The following CCDC57 variants were observed in gnomAD, a reference collection of about 807,000 sequenced individuals.
The protein encoded by CCDC57 is coiled-coil domain-containing protein 57.
A neutral mutation model predicts 118.9 loss-of-function variants in CCDC57; 118 were observed. The observed-to-expected ratio is 0.99, with a 90% CI of 0.86 to 1.16. The LOEUF (loss-of-function observed/expected upper bound fraction) is 1.16, where lower values mean the gene tolerates loss of function less well. Among genes scored for constraint, CCDC57 ranks in the 50% most tolerant of loss-of-function variants. The pLI is 0.00. For missense variants in CCDC57, 1,300 were observed against 1,320.7 expected (o/e 0.98, Z 0.24); for synonymous variants, 527 against 532.9 (o/e 0.99, Z 0.15).
chr17:82,178,396 T>C (rs1176349410), intron 11 of CCDC57, 78 bp downstream of exon 10: 3 of 1,482,660 alleles, frequency 2.0e-6, no homozygotes, highest in South Asian at 2.8e-5. Context: ...CCAGTCTTGG[T>C]AGGATTTGGG....
At chr17:82,182,979 C>T (rs144712383) in intron 9 of CCDC57, among the ~76,000 whole-genome samples, 214 of 152,348 alleles carry the variant, frequency 1.4e-3, no homozygotes, top group Non-Finnish European at 2.5e-3. Flanking sequence ...AGCCATCACA[C>T]CCGGCCCACC....
chr17:82,193,727 T>C, intron 7 of CCDC57, 29 bp downstream of exon 6: 1 of 1,566,888 alleles, frequency 6.4e-7, no homozygotes, highest in Non-Finnish European at 8.7e-7. Flanking sequence ...ACTGACATGC[T>C]GCATGATGTT....
At chr17:82,179,531 A>G (rs2045940310) in intron 9 of CCDC57, among the ~76,000 whole-genome samples, 1 of 152,070 alleles carries the variant, frequency 6.6e-6, no homozygotes, top group South Asian at 2.1e-4. Flanking sequence ...GAGCTATGAA[A>G]GCAAACAAGC....
rs1026029171 is a variant in CCDC57 at position 82,108,687 on chromosome 17, C to G, written c.2900-6821G>C. 2.0e-5 allele frequency: 3 copies of G among 152,260 alleles called. No homozygotes were observed. In the East Asian group the frequency reaches 5.8e-4, roughly 29 times the overall value. The allele number at this position is 152,260 out of a possible 1,614,324, so 9.4% of individuals were successfully genotyped here. A position where few individuals can be genotyped will look rare whatever the true frequency, so the allele number is the denominator to read the frequency against. On this transcript the variant is annotated intron_variant, in intron 19 of 19. Transcript: ENST00000665763. The stretch of plus-strand genomic sequence containing the variant: ...CAGTTCCCAGGGGTCCGCATCAGTT[C>G]TGGTGGAGGCGGTGACTGTGAGCGT...
chr17:82,143,324 A>C (rs1418191978), intron 16 of CCDC57, among the ~76,000 whole-genome samples: 1 of 152,178 alleles, frequency 6.6e-6, no homozygotes, highest in Non-Finnish European at 1.5e-5. Context: ...TCAATCTAAG[A>C]AATCAGGAGA....
chr17:82,151,254 C>A (rs549078041), intron 16 of CCDC57, among the ~76,000 whole-genome samples: 1 of 149,188 alleles, frequency 6.7e-6, no homozygotes, highest in African/African-American at 2.5e-5. Context: ...GAACCTGGCA[C>A]ACACCCAGAA....
In CCDC57 at chr17:82,159,212, T is replaced by C. The variant is rs533150788; in HGVS notation, c.2041-1264A>G. Among the ~76,000 whole-genome samples, 15 of 152,244 alleles carry C rather than the reference T, an allele frequency of 9.9e-5. 1 individual carries two copies. In the East Asian group the frequency reaches 1.3e-3, roughly 14 times the overall value. On this transcript the variant is annotated intron_variant, in intron 14 of 19. Transcript: ENST00000665763. The stretch of plus-strand genomic sequence containing the variant: ...CAAGGTCTCCCTATGTTGCCCAGGC[T>C]GGTCTCAAACTCCTGGGCTCAAGTG...
intron 9 of CCDC57, among the ~76,000 whole-genome samples, chr17:82,181,367 G>A (rs989135330): frequency 2.0e-5 from 3 of 152,274 alleles, no homozygotes; most frequent in African/African-American, 4.8e-5. Context: ...GAGTCATAGT[G>A]CTGAGTCAGC....
chr17:82,143,483 G>C lies in CCDC57; in HGVS notation c.2455+8077C>G, dbSNP rs1013401050. On this transcript the variant is annotated intron_variant, in intron 16 of 19. Coordinates refer to ENST00000665763, the Ensembl canonical transcript of CCDC57. ...GGAGGGGTGCTCTTACACACACACA[G>C]GCACACACACACACCCCACACGTGC... Among the ~76,000 whole-genome samples the C allele has an allele frequency of 8.4e-3, 1,274 of 151,498 alleles. 16 individuals carry two copies. Among genetic ancestry groups the C allele is most frequent in the African/African-American group, 0.03 (1,218 of 41,212 alleles).
chr17:82,107,387 G>A (rs12939966), intron 19 of CCDC57: 1 of 466,192 alleles, frequency 2.1e-6, no homozygotes, highest in South Asian at 1.6e-5. Context: ...GGAGTGGGGA[G>A]TGGCTGCCTC....
chr17:82,211,674 A>G (rs2050188596), intron 1 of CCDC57, among the ~76,000 whole-genome samples: 2 of 145,174 alleles, frequency 1.4e-5, no homozygotes, highest in African/African-American at 2.6e-5. Flanking sequence ...AACCTGACTG[A>G]CTCTCTCTTA....
chr17:82,105,944 G>T (rs2034815062), intron 19 of CCDC57, among the ~76,000 whole-genome samples: 1 of 152,336 alleles, frequency 6.6e-6, no homozygotes, highest in Middle Eastern at 3.4e-3. Context: ...AGATCCTTCA[G>T]GCCCCGCCTG....
intron 16 of CCDC57, among the ~76,000 whole-genome samples, chr17:82,142,752 T>A (rs1453138215): frequency 6.6e-6 from 1 of 152,214 alleles, no homozygotes; most frequent in Non-Finnish European, 1.5e-5. Context: ...TATCAATACG[T>A]ATATTTAATA....
intron 17 of CCDC57, among the ~76,000 whole-genome samples, chr17:82,129,176 C>T (rs1195244782): frequency 6.6e-6 from 1 of 152,170 alleles, no homozygotes; most frequent in Non-Finnish European, 1.5e-5. Context: ...GCCTTGGCCT[C>T]CCAAAGTGCT....
At chr17:82,111,443 A>T (rs1160183672) in intron 19 of CCDC57, among the ~76,000 whole-genome samples, 1 of 136,038 alleles carries the variant, frequency 7.4e-6, no homozygotes, top group Non-Finnish European at 1.5e-5. Context: ...CAGTGGCGTG[A>T]TCGTGGCTCA....
chr17:82,113,494 A>AG, intron 19 of CCDC57: 1 of 717,568 alleles, frequency 1.4e-6, no homozygotes, highest in Non-Finnish European at 2.6e-6. Context: ...TCCCACTGCA[A>AG]GGCTGCTGTG....
rs369079541 is a variant in CCDC57, at chr17:82,123,790, T to C, written c.2899+3902A>G. 9.2e-5 allele frequency among the ~76,000 whole-genome samples: 14 copies of C among 152,166 alleles called. No individual in the cohort carries two copies. In the East Asian group the frequency reaches 2.3e-3, roughly 25 times the overall value. On this transcript the variant is annotated intron_variant, in intron 19 of 19. Transcript: ENST00000665763. ...AGTTAAAGCAAAATGAGTTGAGTTA[T>C]AAGTCCTACAAGGGAAAGACAAGGG...
At chr17:82,129,724 T>C (rs1266513619) in intron 17 of CCDC57, among the ~76,000 whole-genome samples, 2 of 152,138 alleles carry the variant, frequency 1.3e-5, no homozygotes, top group Non-Finnish European at 2.9e-5. Flanking sequence ...CTTTTCTGTA[T>C]TTGTATCTTA....
intron 15 of CCDC57, 137 bp from the exon 15 acceptor site, chr17:82,151,910 A>G (rs376838930): frequency 1.5e-6 from 1 of 679,738 alleles, no homozygotes; most frequent in Non-Finnish European, 2.4e-6. Context: ...ACATCCTTCC[A>G]AAAGAAAGAC....
Sources: allele counts gnomAD v4.1 joint callset (sites outside exome capture counted in the v4.1 genomes callset), GRCh38; gene constraint gnomAD v4.1.1; transcripts MANE v1.5; gene names NCBI Gene and HGNC (gene_info 2026-07-23, HGNC 2026-07-21).